SH3RF1: variants seen among roughly 807,000 people sequenced by gnomAD.
SH3RF1 encodes SH3 domain containing ring finger 1.
In SH3RF1, 32 loss-of-function variants were observed where a neutral mutation model predicts 74.0. The ratio of observed to expected loss-of-function variants is 0.43; its 90% CI spans 0.33 to 0.58. The LOEUF (loss-of-function observed/expected upper bound fraction) is 0.58, where lower values mean the gene tolerates loss of function less well. Ranked by LOEUF, SH3RF1 falls within the 20% of genes least tolerant of loss-of-function variation. The pLI, the probability that SH3RF1 is intolerant of heterozygous loss-of-function variation, is 0.05. For missense variants in SH3RF1, 954 were observed against 1,130.9 expected (o/e 0.84, Z 2.24); for synonymous variants, 396 against 439.6 (o/e 0.90, Z 1.24).
At chr4:169,175,457 CA>C (rs35283396) in intron 2 of SH3RF1, among the ~76,000 whole-genome samples, 58,022 of 151,908 alleles carry the variant, frequency 0.38, 13,148 homozygotes, top group East Asian at 0.71. Context: ...GCTTCTTGAC[CA>C]CTCCAGGCTC....
At chr4:169,259,645 C>T (rs1391997430) in intron 2 of SH3RF1, among the ~76,000 whole-genome samples, 3 of 152,152 alleles carry the variant, frequency 2.0e-5, no homozygotes. Flanking sequence ...GATACATGTA[C>T]TCTTTATAAT....
At chr4:169,108,002 G>A (rs907002110) in intron 10 of SH3RF1, among the ~76,000 whole-genome samples, 5 of 152,286 alleles carry the variant, frequency 3.3e-5, no homozygotes, top group Non-Finnish European at 2.9e-5. Flanking sequence ...TTCCACAGAA[G>A]CCATCTCTTG....
chr4:169,230,423 CAATT>C (rs1360087278), intron 2 of SH3RF1, among the ~76,000 whole-genome samples: 4 of 151,968 alleles, frequency 2.6e-5, no homozygotes, highest in Admixed American at 6.6e-5. Flanking sequence ...AATAAATACT[CAATT>C]AAAAGGAATT....
chr4:169,270,153 G>A (rs1421953260), intron 1 of SH3RF1, among the ~76,000 whole-genome samples: 3 of 152,246 alleles, frequency 2.0e-5, no homozygotes, highest in African/African-American at 7.2e-5. Flanking sequence ...ATGCCCAGGA[G>A]AACGGGAGTA....
intron 2 of SH3RF1, among the ~76,000 whole-genome samples, chr4:169,219,298 T>C (rs1730523300): frequency 1.3e-5 from 2 of 152,140 alleles, no homozygotes; most frequent in African/African-American, 4.8e-5. Flanking sequence ...ATCGTTTCTG[T>C]TCAATCAATA....
At chr4:169,099,508 T>C (rs1410094595) in intron 11 of SH3RF1, among the ~76,000 whole-genome samples, 1 of 152,222 alleles carries the variant, frequency 6.6e-6, no homozygotes, top group Non-Finnish European at 1.5e-5. Context: ...AAAGCAATGA[T>C]GTAGTTGCCA....
At chr4:169,207,984 G>C (rs1730289593) in intron 2 of SH3RF1, among the ~76,000 whole-genome samples, 1 of 152,084 alleles carries the variant, frequency 6.6e-6, no homozygotes. Context: ...CTGGGATGAG[G>C]GGGATGGGAA....
At chr4:169,146,559 G>A (rs1169648210) in intron 4 of SH3RF1, among the ~76,000 whole-genome samples, 1 of 152,078 alleles carries the variant, frequency 6.6e-6, no homozygotes, top group Non-Finnish European at 1.5e-5. Context: ...AATAGTGGTA[G>A]ATGTTATTGA....
At chr4:169,116,774 C>T in intron 9 of SH3RF1, 144 bp from the exon 10 acceptor site, 1 of 1,130,904 alleles carries the variant, frequency 8.8e-7, no homozygotes, top group East Asian at 2.7e-5. Flanking sequence ...GGACGGTGGC[C>T]TAAAAGCACT....
At position 169,173,306 on chromosome 4, in the gene SH3RF1, A is replaced by C. The variant is rs1419719380; in HGVS notation, c.394-16627T>G. On this transcript the variant is annotated intron_variant, in intron 2 of 11. Transcript: ENST00000284637. ...TGATTAAGATATTCAGTTGCACCAA[A>C]TAATTGACTCAGGCACCTTAACAAA... Among the ~76,000 whole-genome samples, 5 of 152,146 alleles carry C rather than the reference A, an allele frequency of 3.3e-5. No individual in the cohort carries two copies. In the East Asian group the frequency reaches 9.6e-4, roughly 29 times the overall value.
intron 2 of SH3RF1, among the ~76,000 whole-genome samples, chr4:169,178,996 T>C (rs554203317): frequency 1.8e-4 from 27 of 152,362 alleles, no homozygotes; most frequent in African/African-American, 6.5e-4. Context: ...TACCCATGTG[T>C]GCTAGGCATA....
chr4:169,183,738 A>T (rs1344533556), intron 2 of SH3RF1, among the ~76,000 whole-genome samples: 1 of 138,082 alleles, frequency 7.2e-6, no homozygotes, highest in Non-Finnish European at 1.6e-5. Flanking sequence ...ACAGAGTGAG[A>T]TGCTGTCTCT....
chr4:169,190,074 G>A (rs187651594), intron 2 of SH3RF1, among the ~76,000 whole-genome samples: 31 of 152,186 alleles, frequency 2.0e-4, no homozygotes, highest in Admixed American at 3.3e-4. Context: ...ACAGCAAAAG[G>A]CAGTGCCAAG....
intron 2 of SH3RF1, among the ~76,000 whole-genome samples, chr4:169,195,405 G>A (rs1406662095): frequency 6.6e-6 from 1 of 152,064 alleles, no homozygotes; most frequent in African/African-American, 2.4e-5. Flanking sequence ...CTAGGTATGA[G>A]TTTCTTTTTT....
At position 169,155,202 on chromosome 4, in the gene SH3RF1, A is replaced by G. The variant is rs370246425; in HGVS notation, c.765+278T>C. ...AAAGCCAGCAAATGGAATAAACAGG[A>G]AATAGTGTAGGTGACTGACAATAAG... On this transcript the variant is annotated intron_variant, in intron 4 of 11. Coordinates refer to ENST00000284637, the MANE Select transcript of SH3RF1 (RefSeq NM_020870.4). Among the ~76,000 whole-genome samples the G allele has an allele frequency of 1.4e-4, 21 of 152,340 alleles. No homozygotes were observed. The South Asian group carries it at 4.1e-3, about 30-fold the overall frequency.
intron 2 of SH3RF1, among the ~76,000 whole-genome samples, chr4:169,192,805 T>TG (rs1734746091): frequency 2.0e-5 from 3 of 148,608 alleles, no homozygotes; most frequent in African/African-American, 7.4e-5. Flanking sequence ...TTTATATATA[T>TG]ATGATATATA....
intron 2 of SH3RF1, among the ~76,000 whole-genome samples, chr4:169,255,270 TA>T (rs1344747927): frequency 6.6e-5 from 10 of 152,272 alleles, no homozygotes; most frequent in African/African-American, 2.4e-5. Flanking sequence ...GAAACTCCAT[TA>T]AAAAATATAT....
At chr4:169,155,632 G>A (rs1283473151) in intron 3 of SH3RF1, 57 bp from the exon 4 acceptor site, 3 of 1,289,484 alleles carry the variant, frequency 2.3e-6, no homozygotes, top group Non-Finnish European at 2.2e-6. Context: ...CATTAAGCTT[G>A]TCATTTAATT....
intron 4 of SH3RF1, among the ~76,000 whole-genome samples, chr4:169,149,802 C>A (rs894784095): frequency 6.6e-6 from 1 of 152,194 alleles, no homozygotes; most frequent in Non-Finnish European, 1.5e-5. Context: ...GTTCAATCAA[C>A]TCTTTGATTA....
Sources: allele counts gnomAD v4.1 joint callset (sites outside exome capture counted in the v4.1 genomes callset), GRCh38; gene constraint gnomAD v4.1.1; transcripts MANE v1.5; gene names NCBI Gene and HGNC (gene_info 2026-07-23, HGNC 2026-07-21).